SKA3: variants seen among roughly 807,000 people sequenced by gnomAD.
SKA3 encodes spindle and kinetochore associated complex subunit 3, also known as spindle and kinetochore-associated protein 3.
In SKA3, 39 loss-of-function variants were observed where a neutral mutation model predicts 44.2. That is an observed-to-expected ratio of 0.88 (90% CI 0.68 to 1.15). The LOEUF (loss-of-function observed/expected upper bound fraction) is 1.15. SKA3 is among the 50% of genes most tolerant of loss of function. The pLI is 0.00. For missense variants in SKA3, 511 were observed against 485.8 expected, an observed-to-expected ratio of 1.05 and a Z score of -0.49; for synonymous variants, 192 against 172.0, an observed-to-expected ratio of 1.12 and a Z score of -0.91.
At position 21,168,296 on chromosome 13, in the gene SKA3, G is replaced by A. The variant is rs779241816; in HGVS notation, c.435C>T (p.Ser145=). The A allele has an allele frequency of 6.8e-6, 11 of 1,614,142 alleles. No individual in the cohort carries two copies. The highest frequency in any genetic ancestry group is 1.7e-5 in the Admixed American group (1 of 60,016). The change falls in exon 4 of 9, where the codon AGC becomes AGT. Residue 145 remains serine (S), a synonymous_variant. Transcript: ENST00000314759. ...KDDLSDPPVA[S]SCISEKSPRS... The stretch of plus-strand genomic sequence containing the variant: ...GTGGAGACTTCTCAGAAATACAACT[G>A]CTTGCAACAGGAGGATCAGACAGAT...
chr13:21,171,604 T>C (rs1369127468), intron 3 of SKA3, among the ~76,000 whole-genome samples: 1 of 150,958 alleles, frequency 6.6e-6, no homozygotes, highest in Non-Finnish European at 1.5e-5. Context: ...AAGTTAGTCA[T>C]TCAGAGGTAT....
At chr13:21,174,583 G>C (rs1295844200) in intron 1 of SKA3, among the ~76,000 whole-genome samples, 2 of 152,080 alleles carry the variant, frequency 1.3e-5, no homozygotes, top group Non-Finnish European at 2.9e-5. Context: ...GCCTGTCATG[G>C]GGTGAGGGAA....
At chr13:21,166,737 A>G (rs1240261788) in intron 4 of SKA3, among the ~76,000 whole-genome samples, 1 of 152,230 alleles carries the variant, frequency 6.6e-6, no homozygotes, top group Non-Finnish European at 1.5e-5. Flanking sequence ...TCTGAAAAAC[A>G]AAACAAAACA....
chr13:21,161,841 C>T lies in SKA3; in HGVS notation c.778G>A (p.Asp260Asn), dbSNP rs777253375. 2.5e-6 allele frequency: 4 copies of T among 1,612,556 alleles called. No homozygotes were observed. Among genetic ancestry groups the T allele is most frequent in the Non-Finnish European group, 3.4e-6 (4 of 1,179,088 alleles). ...EAIDTESRLNDNVFATPSPII... is the reference protein window; with the variant it reads ...EAIDTESRLNNNVFATPSPII... ...GGGCTGGGAGTGGCAAAAACATTAT[C>T]ATTGAGCCTGGATTCTGTATCTATG... Residue 260 changes from aspartate (D) to asparagine (N), a missense_variant, in exon 5 of 9, where the codon GAT becomes AAT. By Grantham distance (23) the Asp-to-Asn change is conservative. Transcript: ENST00000314759.
intron 4 of SKA3, among the ~76,000 whole-genome samples, chr13:21,166,930 G>T (rs1217679798): frequency 6.6e-6 from 1 of 151,906 alleles, no homozygotes; most frequent in Non-Finnish European, 1.5e-5. Context: ...AGGAATGTTT[G>T]TTATCCTTCT....
At position 21,176,460 on chromosome 13, in the gene SKA3, G is replaced by C. The variant is rs1325902365; in HGVS notation, c.18C>G (p.Ser6Arg). MDPIR[S>R]FCGKLRSLAS... ...CCAGAGACCGCAGCTTCCCGCAGAA[G>C]CTCCGGATAGGGTCCATGCTGAGCA... Residue 6 changes from serine to arginine, a missense_variant, in exon 1 of 9, where the codon AGC (serine) becomes AGG (arginine). Coordinates refer to ENST00000314759, the MANE Select transcript of SKA3 (RefSeq NM_145061.6). The C allele has an allele frequency of 6.4e-7, 1 of 1,573,202 alleles. No individual in the cohort carries two copies. Among genetic ancestry groups the C allele is most frequent in the South Asian group, 1.2e-5 (1 of 86,300 alleles).
chr13:21,167,927 T>G, intron 4 of SKA3, 61 bp downstream of exon 4: 1 of 1,161,948 alleles, frequency 8.6e-7, no homozygotes, highest in Non-Finnish European at 1.1e-6. Context: ...GGAAAAAAAA[T>G]CAATAAATAC....
At position 21,176,226 on chromosome 13, in the gene SKA3, G is replaced by A. The variant is rs2296733; in HGVS notation, c.103+149C>T. The A allele has an allele frequency of 4.3e-3, 2,617 of 614,192 alleles. 75 individuals are homozygous for A. In the East Asian group the frequency reaches 0.065, roughly 15 times the overall value. The allele number at this position is 614,192 out of a possible 1,614,324, so 38.0% of individuals were successfully genotyped here. On this transcript the variant is annotated intron_variant, in intron 1 of 8. Coordinates refer to ENST00000314759, the MANE Select transcript of SKA3 (RefSeq NM_145061.6). The stretch of plus-strand genomic sequence containing the variant: ...ACGCTAACGCCAAACGCCGAGCAGT[G>A]AGACGCGCAGCACCCGCCCTGCGCC...
Position 21,176,484 on chromosome 13 carries a change from C to G in SKA3, c.-7G>C, listed in dbSNP as rs1305757501. On this transcript the variant is annotated 5_prime_UTR_variant, in exon 1 of 9. Transcript: ENST00000314759. The stretch of plus-strand genomic sequence containing the variant: ...AGCTCCGGATAGGGTCCATGCTGAG[C>G]ACAGCGGGGAAGGACTCCAGGCGTA... 2.6e-6 allele frequency: 4 copies of G among 1,526,496 alleles called. No individual in the cohort carries two copies. The African/African-American group carries it at 5.7e-5, about 22-fold the overall frequency. 94.6% of individuals were successfully genotyped at this position (1,526,496 alleles called of 1,614,324 possible).
rs1173250868 is a variant in SKA3, at chr13:21,161,780, T to C, written c.829+10A>G. 1.2e-6 allele frequency: 2 copies of C among 1,605,024 alleles called. No individual in the cohort carries two copies. The highest frequency in any genetic ancestry group is 1.7e-6 in the Non-Finnish European group (2 of 1,173,348). On this transcript the variant is annotated intron_variant, in intron 5 of 8. Transcript: ENST00000314759. ...ATGTTCCTGAGAAGTAACTTGATTCTTATACTTACCACTTTTTTCCAACTG... is the reference window on the plus strand; with the variant it reads ...ATGTTCCTGAGAAGTAACTTGATTCCTATACTTACCACTTTTTTCCAACTG...
chr13:21,172,276 T>C (rs986884780), intron 3 of SKA3, 63 bp downstream of exon 3: 23 of 1,132,012 alleles, frequency 2.0e-5, no homozygotes, highest in Non-Finnish European at 2.6e-5. Flanking sequence ...TACAGTTGTC[T>C]TAATCATGCT....
At chr13:21,165,355 G>A (rs1013918806) in intron 4 of SKA3, among the ~76,000 whole-genome samples, 7 of 151,946 alleles carry the variant, frequency 4.6e-5, no homozygotes, top group Admixed American at 6.6e-5. Context: ...CTAGGAAGTC[G>A]AAGCTGCAGT....
At chr13:21,168,493 A>G (rs2137375929) in intron 3 of SKA3, 94 bp from the exon 4 acceptor site, 1 of 1,011,382 alleles carries the variant, frequency 9.9e-7, no homozygotes, top group East Asian at 3.5e-5. Flanking sequence ...GAAATTTCCC[A>G]AATCAGCAAA....
intron 7 of SKA3, among the ~76,000 whole-genome samples, chr13:21,156,670 T>C (rs1353094868): frequency 1.3e-5 from 2 of 152,244 alleles, no homozygotes; most frequent in East Asian, 3.8e-4. Context: ...TATCCTAGCA[T>C]GAGTCAGTTC....
intron 4 of SKA3, among the ~76,000 whole-genome samples, chr13:21,167,525 G>C (rs935783701): frequency 1.3e-5 from 2 of 152,130 alleles, no homozygotes; most frequent in African/African-American, 4.8e-5. Context: ...CCAGCACTTT[G>C]GGAGGCCCAG....
chr13:21,157,813 A>G, intron 7 of SKA3, 109 bp downstream of exon 7: 1 of 652,830 alleles, frequency 1.5e-6, no homozygotes, highest in Non-Finnish European at 2.3e-6. Flanking sequence ...AAATTAGCAC[A>G]CTAGCCCAAT....
intron 4 of SKA3, 36 bp downstream of exon 4, chr13:21,167,952 G>A: frequency 9.0e-7 from 1 of 1,110,594 alleles, no homozygotes; most frequent in South Asian, 2.6e-5. Context: ...GGTTTAGAAA[G>A]CTAGATAAAA....
rs1235412632 is a variant in SKA3, at chr13:21,153,959, A to G, written c.*1191T>C. 1.3e-5 allele frequency: 2 copies of G among 152,254 alleles called. No individual in the cohort carries two copies. 9.4% of individuals were successfully genotyped at this position (152,254 alleles called of 1,614,324 possible). The stretch of plus-strand genomic sequence containing the variant: ...ATATTTAATAAAAATAATACTTACA[A>G]CTACCCAGTAACTCCTAGAACAAGG... On this transcript the variant is annotated 3_prime_UTR_variant, in exon 9 of 9. Coordinates refer to ENST00000314759, the MANE Select transcript of SKA3 (RefSeq NM_145061.6).
Position 21,173,725 on chromosome 13 carries a change from C to T in SKA3, c.104-1044G>A, listed in dbSNP as rs117316194. ...TCATTATTGTGTAGCATTTCCACTG[C>T]GTGATACCATATTTATTTATTCTAT... On this transcript the variant is annotated intron_variant, in intron 1 of 8. Transcript: ENST00000314759. 3.3e-5 allele frequency among the ~76,000 whole-genome samples: 5 copies of T among 152,160 alleles called. No homozygotes were observed. The South Asian group carries it at 6.2e-4, about 19-fold the overall frequency.
Sources: gnomAD v4.1 joint callset for allele counts (sites outside exome capture counted in the v4.1 genomes callset) on GRCh38, gnomAD v4.1.1 for gene constraint, MANE v1.5 for transcripts, NCBI Gene and HGNC (gene_info 2026-07-23, HGNC 2026-07-21) for gene names.